Variants in NFX1 observed in about 807,000 individuals in gnomAD.
The protein encoded by NFX1 is transcriptional repressor NF-X1.
NFX1 carries 69 observed loss-of-function variants against 137.2 expected under a neutral mutation model. The observed-to-expected ratio is 0.50, with a 90% CI of 0.41 to 0.61. NFX1 has a LOEUF of 0.61. NFX1 is among the 20% of genes least tolerant of loss of function. The pLI is 0.00. For missense variants in NFX1, 1,167 were observed against 1,391.0 expected, an observed-to-expected ratio of 0.84 and a Z score of 2.56; for synonymous variants, 495 against 474.1, an observed-to-expected ratio of 1.04 and a Z score of -0.57.
intron 7 of NFX1, among the ~76,000 whole-genome samples, chr9:33,315,855 G>A (rs1235454554): frequency 6.7e-6 from 1 of 150,018 alleles, no homozygotes; most frequent in African/African-American, 2.5e-5. Context: ...TCATGCTACC[G>A]CACTCCAGCC....
At chr9:33,357,611 A>G (rs955939976) in intron 19 of NFX1, among the ~76,000 whole-genome samples, 1 of 151,610 alleles carries the variant, frequency 6.6e-6, no homozygotes, top group Non-Finnish European at 1.5e-5. Flanking sequence ...AGTTCACTGT[A>G]CCCTTGAACT....
intron 17 of NFX1, among the ~76,000 whole-genome samples, chr9:33,353,075 G>C (rs1166120994): frequency 1.3e-5 from 2 of 152,086 alleles, no homozygotes; most frequent in Non-Finnish European, 2.9e-5. Flanking sequence ...TTAAAAATCT[G>C]GTTTCTCTAG....
chr9:33,357,915 T>C (rs1340658491), intron 19 of NFX1, among the ~76,000 whole-genome samples: 1 of 152,102 alleles, frequency 6.6e-6, no homozygotes, highest in African/African-American at 2.4e-5. Context: ...GGGATTTTGA[T>C]TGAGTTGGTA....
At chr9:33,362,696 T>G (rs1292309887) in intron 19 of NFX1, among the ~76,000 whole-genome samples, 1 of 126,048 alleles carries the variant, frequency 7.9e-6, no homozygotes, top group Non-Finnish European at 1.6e-5. Context: ...CCTGTGGTTT[T>G]TTTTTTTTTT....
At chr9:33,298,801 T>C (rs536082753) in intron 2 of NFX1, among the ~76,000 whole-genome samples, 25 of 152,110 alleles carry the variant, frequency 1.6e-4, no homozygotes, top group African/African-American at 6.0e-4. Context: ...AAAATATTAT[T>C]AAGCTGCTGT....
intron 12 of NFX1, among the ~76,000 whole-genome samples, chr9:33,340,870 A>G (rs1180302283): frequency 1.3e-5 from 2 of 152,074 alleles, no homozygotes; most frequent in Non-Finnish European, 2.9e-5. Context: ...CAAATTCCTC[A>G]TCTCTATCTG....
intron 5 of NFX1, among the ~76,000 whole-genome samples, chr9:33,308,288 T>G (rs1222706140): frequency 6.6e-6 from 1 of 151,896 alleles, no homozygotes; most frequent in Non-Finnish European, 1.5e-5. Flanking sequence ...CAAAAAAATT[T>G]AAAATTAGCC....
intron 2 of NFX1, among the ~76,000 whole-genome samples, chr9:33,299,460 G>GGATC (rs1317793336): frequency 1.3e-5 from 2 of 152,158 alleles, no homozygotes; most frequent in East Asian, 3.9e-4. Flanking sequence ...CGAGTCAAGA[G>GGATC]GATCACCTGA....
At chr9:33,303,115 A>G in intron 3 of NFX1, 76 bp from the exon 4 acceptor site, 3 of 1,138,140 alleles carry the variant, frequency 2.6e-6, no homozygotes, top group Non-Finnish European at 2.7e-6. Flanking sequence ...GTGTCTTCCT[A>G]TAGATTTAAA....
intron 19 of NFX1, among the ~76,000 whole-genome samples, chr9:33,357,219 A>G (rs536103561): frequency 1.7e-4 from 26 of 152,106 alleles, no homozygotes; most frequent in Admixed American, 3.3e-4. Flanking sequence ...GGAGAATGGC[A>G]TGAACCCAGG....
Position 33,370,822 on chromosome 9 carries a change from C to G in NFX1, c.*844C>G, listed in dbSNP as rs1374204636. The G allele has an allele frequency of 6.6e-6, 1 of 152,304 alleles. No homozygotes were observed. Among genetic ancestry groups the G allele is most frequent in the Non-Finnish European group, 1.5e-5 (1 of 68,112 alleles). The allele number at this position is 152,304 out of a possible 1,614,324, so 9.4% of individuals were successfully genotyped here. On this transcript the variant is annotated 3_prime_UTR_variant, in exon 24 of 24. Transcript: ENST00000379540. ...TAGAGAAAGAGTCTCAAATGGACAA[C>G]TGTCCTGTGTTGCTTTCCCTAGGCC... is the stretch of plus-strand genomic sequence containing the variant.
intron 3 of NFX1, among the ~76,000 whole-genome samples, chr9:33,302,677 G>GT (rs537652602): frequency 0.026 from 3,588 of 137,320 alleles, 68 homozygotes; most frequent in Admixed American, 0.05. Context: ...GTTTGTTTTT[G>GT]TTTTTTTTTT....
intron 19 of NFX1, among the ~76,000 whole-genome samples, chr9:33,358,692 TCA>T (rs931240046): frequency 2.5e-5 from 3 of 120,716 alleles, no homozygotes; most frequent in African/African-American, 9.4e-5. Context: ...ATACAGAGTC[TCA>T]CTCTGTCTCC....
At chr9:33,369,631 T>C (rs1824269861) in intron 23 of NFX1, among the ~76,000 whole-genome samples, 1 of 152,094 alleles carries the variant, frequency 6.6e-6, no homozygotes, top group Non-Finnish European at 1.5e-5. Flanking sequence ...TGTAAATAGA[T>C]TGTGAAAGGT....
At chr9:33,299,108 T>C (rs182028442) in intron 2 of NFX1, among the ~76,000 whole-genome samples, 1 of 152,362 alleles carries the variant, frequency 6.6e-6, no homozygotes, top group East Asian at 1.9e-4. Context: ...AGAATTCCCA[T>C]ATATCTTTCA....
intron 9 of NFX1, among the ~76,000 whole-genome samples, chr9:33,323,186 A>G (rs1822449312): frequency 6.6e-6 from 1 of 152,192 alleles, no homozygotes. Flanking sequence ...CCATCCAAAG[A>G]GTGACACCAG....
chr9:33,303,761 C>G (rs1347219275), intron 4 of NFX1, among the ~76,000 whole-genome samples: 1 of 152,198 alleles, frequency 6.6e-6, no homozygotes, highest in Non-Finnish European at 1.5e-5. Flanking sequence ...TATCTCAGTT[C>G]CCCCAAGTAT....
chr9:33,298,856 T>C (rs1373610610), intron 2 of NFX1, among the ~76,000 whole-genome samples: 1 of 152,174 alleles, frequency 6.6e-6, no homozygotes, highest in Non-Finnish European at 1.5e-5. Context: ...GTTAGGAGGC[T>C]ATTGCAGTTG....
intron 22 of NFX1, 87 bp from the exon 23 acceptor site, chr9:33,367,428 C>A: frequency 7.1e-7 from 1 of 1,407,034 alleles, no homozygotes. Context: ...GTCATAGTGC[C>A]AAAATCAAGG....
Sources: gnomAD v4.1 joint callset for allele counts (sites outside exome capture counted in the v4.1 genomes callset) on GRCh38, gnomAD v4.1.1 for gene constraint, MANE v1.5 for transcripts, NCBI Gene and HGNC (gene_info 2026-07-23, HGNC 2026-07-21) for gene names.